Variants in ERICH3 observed in about 807,000 individuals in gnomAD.
ERICH3 encodes the protein glutamate-rich protein 3.
In ERICH3, 126 loss-of-function variants were observed where a neutral mutation model predicts 131.1. That is an observed-to-expected ratio of 0.96 (90% CI 0.83 to 1.11). ERICH3 has a LOEUF of 1.11. Ranked by LOEUF, ERICH3 falls within the 50% of genes most tolerant of loss-of-function variation. ERICH3 has a pLI of 0.00. For synonymous variants in ERICH3, 695 were observed against 644.6 expected (o/e 1.08, Z -1.18); for missense variants, 2,050 against 1,810.7 (o/e 1.13, Z -2.40).
chr1:74,605,062 G>A (rs751810832), intron 10 of ERICH3, among the ~76,000 whole-genome samples: 33 of 151,964 alleles, frequency 2.2e-4, no homozygotes, highest in African/African-American at 7.2e-4. Context: ...AATGATCTTC[G>A]CTAGGTCTTC....
chr1:74,583,487 C>T (rs779496146), intron 12 of ERICH3, among the ~76,000 whole-genome samples: 95 of 152,094 alleles, frequency 6.2e-4, no homozygotes, highest in Non-Finnish European at 1.3e-3. Context: ...CTTTCTCTCT[C>T]TCTCTCCTTC....
chr1:74,613,650 TC>T (rs1451679149), intron 8 of ERICH3, among the ~76,000 whole-genome samples: 17 of 152,326 alleles, frequency 1.1e-4, no homozygotes, highest in South Asian at 1.0e-3. Context: ...CACTTTGTTT[TC>T]CCCATCCACC....
chr1:74,630,276 A>C (rs1048573847), intron 7 of ERICH3, among the ~76,000 whole-genome samples: 1 of 152,182 alleles, frequency 6.6e-6, no homozygotes, highest in African/African-American at 2.4e-5. Context: ...AAATTAAGTT[A>C]GTGGATATGG....
Position 74,646,748 on chromosome 1 carries a change from T to C in ERICH3, c.162A>G (p.Leu54=). Residue 54 remains leucine, a synonymous_variant, in exon 3 of 15, where the codon CTA becomes CTG. Transcript: ENST00000326665. ...GRILSEKEYK[L]NMMKRDHQKY... is the part of the protein sequence containing the mutation. ...TTTGATGATCCCGCTTCATCATATT[T>C]AGTTTATATTCTTTTTCAGAAAGTA... 1.3e-6 allele frequency: 2 copies of C among 1,503,670 alleles called. No homozygotes were observed. The highest frequency in any genetic ancestry group is 1.3e-5 in the South Asian group (1 of 78,984). The allele number at this position is 1,503,670 out of a possible 1,614,324, so 93.1% of individuals were successfully genotyped here.
intron 3 of ERICH3, among the ~76,000 whole-genome samples, chr1:74,644,492 C>A (rs1017856387): frequency 6.6e-6 from 1 of 152,086 alleles, no homozygotes; most frequent in Non-Finnish European, 1.5e-5. Flanking sequence ...GGACACCATG[C>A]TAACAGGCAT....
intron 11 of ERICH3, among the ~76,000 whole-genome samples, chr1:74,592,628 T>C (rs539152734): frequency 4.9e-4 from 75 of 152,318 alleles, no homozygotes; most frequent in African/African-American, 1.7e-3. Context: ...CCATTAATTG[T>C]ATTATTTTAT....
intron 3 of ERICH3, among the ~76,000 whole-genome samples, chr1:74,643,691 A>G (rs1393008628): frequency 6.6e-6 from 1 of 152,136 alleles, no homozygotes; most frequent in African/African-American, 2.4e-5. Context: ...CTTCTTGAAC[A>G]ACTCTAATTG....
chr1:74,635,279 T>C (rs1390777586), intron 6 of ERICH3, among the ~76,000 whole-genome samples: 1 of 152,118 alleles, frequency 6.6e-6, no homozygotes, highest in East Asian at 1.9e-4. Flanking sequence ...ACCACCACTT[T>C]TGGATTAATT....
chr1:74,646,968 GAA>G (rs1263923307), intron 2 of ERICH3, among the ~76,000 whole-genome samples, 176 bp from the exon 3 acceptor site: 1 of 115,868 alleles, frequency 8.6e-6, no homozygotes, highest in Non-Finnish European at 1.8e-5. Flanking sequence ...GGGAGAGAGA[GAA>G]AAAAAAAAAA....
chr1:74,578,735 T>C (rs1265988364), intron 12 of ERICH3, among the ~76,000 whole-genome samples: 1 of 150,446 alleles, frequency 6.6e-6, no homozygotes, highest in Non-Finnish European at 1.5e-5. Context: ...TCCCCCGATA[T>C]TCTGTTACAA....
At chr1:74,573,811 C>A (rs1349291357) in intron 13 of ERICH3, among the ~76,000 whole-genome samples, 1 of 152,122 alleles carries the variant, frequency 6.6e-6, no homozygotes, top group Non-Finnish European at 1.5e-5. Context: ...GTCCCCATGT[C>A]TTGGAATCAG....
chr1:74,655,908 G>A (rs968174538), intron 1 of ERICH3, among the ~76,000 whole-genome samples: 2 of 152,124 alleles, frequency 1.3e-5, no homozygotes, highest in Non-Finnish European at 2.9e-5. Context: ...ACTGGAGGCT[G>A]AGAAGTTCAA....
At chr1:74,653,127 A>T (rs937123265) in intron 1 of ERICH3, among the ~76,000 whole-genome samples, 4 of 152,142 alleles carry the variant, frequency 2.6e-5, no homozygotes, top group African/African-American at 4.8e-5. Context: ...GCTCTGTAGT[A>T]AAGTCAGTGA....
chr1:74,653,179 T>C (rs2100646075), intron 1 of ERICH3, among the ~76,000 whole-genome samples: 1 of 152,292 alleles, frequency 6.6e-6, no homozygotes, highest in South Asian at 2.1e-4. Flanking sequence ...AGAGATAGTC[T>C]ACCATATAAA....
At chr1:74,626,421 G>T (rs1222788416) in intron 7 of ERICH3, among the ~76,000 whole-genome samples, 1 of 152,148 alleles carries the variant, frequency 6.6e-6, no homozygotes, top group Non-Finnish European at 1.5e-5. Context: ...TAGATAGGGG[G>T]CTTTCATGGA....
intron 13 of ERICH3, among the ~76,000 whole-genome samples, chr1:74,575,914 T>C (rs1375902800): frequency 6.8e-6 from 1 of 147,382 alleles, no homozygotes; most frequent in Non-Finnish European, 1.5e-5. Flanking sequence ...AATATTAGTA[T>C]AAAAACATGA....
At chr1:74,615,744 T>C (rs556093285) in intron 8 of ERICH3, among the ~76,000 whole-genome samples, 4 of 152,306 alleles carry the variant, frequency 2.6e-5, no homozygotes, top group African/African-American at 9.6e-5. Flanking sequence ...AATCCATGCA[T>C]TTTTTCCGGG....
chr1:74,661,843 G>T (rs991820555), intron 1 of ERICH3, among the ~76,000 whole-genome samples: 1 of 152,248 alleles, frequency 6.6e-6, no homozygotes, highest in Non-Finnish European at 1.5e-5. Context: ...GGAATTTAAA[G>T]CTACATCCTT....
chr1:74,652,654 G>A (rs1646547459), intron 1 of ERICH3, among the ~76,000 whole-genome samples: 1 of 151,806 alleles, frequency 6.6e-6, no homozygotes, highest in Non-Finnish European at 1.5e-5. Flanking sequence ...TCTGCATCCA[G>A]TGTCAACACT....
Sources: allele counts gnomAD v4.1 joint callset (sites outside exome capture counted in the v4.1 genomes callset), GRCh38; gene constraint gnomAD v4.1.1; transcripts MANE v1.5; gene names NCBI Gene and HGNC (gene_info 2026-07-23, HGNC 2026-07-21).